The following EDIL3 variants were observed in gnomAD, a reference collection of about 807,000 sequenced individuals.
The protein encoded by EDIL3 is EGF like and discoidin domains 3, also known as EGF-like repeat and discoidin I-like domain-containing protein 3.
EDIL3 carries 37 observed loss-of-function variants against 67.4 expected under a neutral mutation model. The ratio of observed to expected loss-of-function variants is 0.55; its 90% CI spans 0.42 to 0.72. EDIL3 has a LOEUF of 0.72. EDIL3 is among the 30% of genes least tolerant of loss of function. EDIL3 has a pLI of 0.00. For synonymous variants in EDIL3, 195 were observed against 196.3 expected (o/e 0.99, Z 0.05); for missense variants, 527 against 586.3 (o/e 0.90, Z 1.04).
intron 4 of EDIL3, among the ~76,000 whole-genome samples, chr5:84,175,460 G>A (rs1198271087): frequency 6.6e-6 from 1 of 152,198 alleles, no homozygotes; most frequent in Non-Finnish European, 1.5e-5. Context: ...ACTTTTTAAA[G>A]TTTGTAAAGT....
At chr5:84,064,504 ACCCTGTAGC>A (rs1436677939) in intron 8 of EDIL3, among the ~76,000 whole-genome samples, 187 bp downstream of exon 8, 1 of 152,168 alleles carries the variant, frequency 6.6e-6, no homozygotes, top group Non-Finnish European at 1.5e-5. Flanking sequence ...CATTAATTCT[ACCCTGTAGC>A]ATGTTTTAGA....
chr5:84,307,374 A>C (rs1223532569), intron 1 of EDIL3, among the ~76,000 whole-genome samples: 1 of 152,178 alleles, frequency 6.6e-6, no homozygotes, highest in Non-Finnish European at 1.5e-5. Flanking sequence ...AGAGAAAATA[A>C]AGATGCTCCA....
At chr5:84,246,104 T>C (rs1744905068) in intron 2 of EDIL3, among the ~76,000 whole-genome samples, 1 of 152,196 alleles carries the variant, frequency 6.6e-6, no homozygotes, top group South Asian at 2.1e-4. Flanking sequence ...CTTGTTGCTT[T>C]GCCAATAAAA....
At chr5:84,069,115 T>C (rs373005270) in intron 6 of EDIL3, among the ~76,000 whole-genome samples, 2 of 152,334 alleles carry the variant, frequency 1.3e-5, no homozygotes, top group South Asian at 4.1e-4. Flanking sequence ...TAAATTATTC[T>C]CTATGAGCTT....
chr5:84,133,079 G>C lies in EDIL3; in HGVS notation c.469+4162C>G, dbSNP rs542344573. ...TAATGTCATATTTAAACAACCAGGA[G>C]GGAAATGTATACAGGTATTGTGGGC... On this transcript the variant is annotated intron_variant, in intron 5 of 10. Transcript: ENST00000296591. Among the ~76,000 whole-genome samples, 6 of 152,188 alleles carry C rather than the reference G, an allele frequency of 3.9e-5. No homozygotes were observed. In the South Asian group the frequency reaches 1.2e-3, roughly 32 times the overall value.
At chr5:83,947,411 G>A (rs1374849500) in intron 10 of EDIL3, among the ~76,000 whole-genome samples, 1 of 149,934 alleles carries the variant, frequency 6.7e-6, no homozygotes, top group Non-Finnish European at 1.5e-5. Context: ...GTGTGCAGAG[G>A]TGCTGGGCTG....
chr5:84,146,293 C>T (rs138896672), intron 4 of EDIL3, among the ~76,000 whole-genome samples: 30 of 152,108 alleles, frequency 2.0e-4, no homozygotes, highest in African/African-American at 6.7e-4. Flanking sequence ...AAATAAGTTG[C>T]CCAGAGTCAC....
chr5:84,194,164 G>A (rs1006116992), intron 3 of EDIL3, among the ~76,000 whole-genome samples: 1 of 151,872 alleles, frequency 6.6e-6, no homozygotes, highest in Non-Finnish European at 1.5e-5. Flanking sequence ...AGGAAAGACA[G>A]TAAAAGAGTA....
chr5:84,379,713 G>C (rs1158316345), intron 1 of EDIL3, among the ~76,000 whole-genome samples: 1 of 151,992 alleles, frequency 6.6e-6, no homozygotes, highest in African/African-American at 2.4e-5. Flanking sequence ...TTGAATGTCT[G>C]TGTTTCCAAG....
intron 8 of EDIL3, among the ~76,000 whole-genome samples, chr5:84,061,072 T>A (rs1746534226): frequency 6.6e-6 from 1 of 152,106 alleles, no homozygotes; most frequent in Non-Finnish European, 1.5e-5. Flanking sequence ...AATCTAGTAT[T>A]TACTGAGGGT....
chr5:84,291,642 CTATCTATATCTATA>C (rs1384106164), intron 1 of EDIL3, among the ~76,000 whole-genome samples: 1 of 145,998 alleles, frequency 6.8e-6, no homozygotes. Flanking sequence ...GTGTATATAT[CTATCTATATCTATA>C]TATCTATATA....
chr5:84,193,086 T>C (rs1743625118), intron 3 of EDIL3, among the ~76,000 whole-genome samples: 2 of 151,964 alleles, frequency 1.3e-5, no homozygotes, highest in South Asian at 2.1e-4. Context: ...TCAAAGGCCA[T>C]GTATTTAAGA....
At position 84,043,204 on chromosome 5, in the gene EDIL3, A is replaced by G. The variant is rs534426426; in HGVS notation, c.1137+17096T>C. On this transcript the variant is annotated intron_variant, in intron 9 of 10. Transcript: ENST00000296591. ...ACTTCTTTGAGGAACTGTTTCTCAGAAAGTAAAAGTGTTCACTTGTTACTT... is the reference window on the plus strand; with the variant it reads ...ACTTCTTTGAGGAACTGTTTCTCAGGAAGTAAAAGTGTTCACTTGTTACTT... Among the ~76,000 whole-genome samples the G allele has an allele frequency of 1.1e-4, 16 of 152,356 alleles. No individual in the cohort carries two copies. In the East Asian group the frequency reaches 2.9e-3, roughly 28 times the overall value.
At chr5:83,980,698 T>TA (rs1744955848) in intron 9 of EDIL3, among the ~76,000 whole-genome samples, 2 of 145,744 alleles carry the variant, frequency 1.4e-5, no homozygotes, top group Non-Finnish European at 3.0e-5. Flanking sequence ...TATATATATA[T>TA]TTATATATAA....
intron 1 of EDIL3, among the ~76,000 whole-genome samples, chr5:84,323,471 T>C (rs914168629): frequency 6.6e-6 from 1 of 151,698 alleles, no homozygotes; most frequent in Admixed American, 6.6e-5. Context: ...AAATCAATTA[T>C]ACAAAGAAGA....
intron 6 of EDIL3, among the ~76,000 whole-genome samples, chr5:84,080,720 T>C (rs999685563): frequency 6.6e-6 from 1 of 152,194 alleles, no homozygotes; most frequent in African/African-American, 2.4e-5. Context: ...AATTGATATC[T>C]AGGATTCTAT....
At chr5:84,069,308 A>C (rs573511826) in intron 6 of EDIL3, among the ~76,000 whole-genome samples, 31 of 152,278 alleles carry the variant, frequency 2.0e-4, no homozygotes, top group Non-Finnish European at 4.0e-4. Context: ...TGAATCTAGA[A>C]TGCTTAGAAC....
chr5:84,072,245 C>A (rs62364219), intron 6 of EDIL3, among the ~76,000 whole-genome samples: 17,068 of 151,698 alleles, frequency 0.11, 1,429 homozygotes, highest in African/African-American at 0.23. Flanking sequence ...GTTGATCAAT[C>A]AAAGATATTA....
At chr5:84,331,781 T>G (rs1032866225) in intron 1 of EDIL3, among the ~76,000 whole-genome samples, 14 of 152,216 alleles carry the variant, frequency 9.2e-5, no homozygotes, top group Non-Finnish European at 1.9e-4. Context: ...TCAACTTTAG[T>G]ACAGAGCCTA....
Sources: allele counts gnomAD v4.1 joint callset (sites outside exome capture counted in the v4.1 genomes callset), GRCh38; gene constraint gnomAD v4.1.1; transcripts MANE v1.5; gene names NCBI Gene and HGNC (gene_info 2026-07-23, HGNC 2026-07-21).